The following L3HYPDH variants were observed in gnomAD, a reference collection of about 807,000 sequenced individuals.
L3HYPDH encodes trans-3-hydroxy-L-proline dehydratase.
L3HYPDH carries 32 observed loss-of-function variants against 26.5 expected under a neutral mutation model. The ratio of observed to expected loss-of-function variants is 1.21; its 90% CI spans 0.91 to 1.62. L3HYPDH has a LOEUF of 1.62. L3HYPDH is among the 40% of genes most tolerant of loss of function. The pLI is 0.00. For synonymous variants in L3HYPDH, 215 were observed against 196.6 expected (o/e 1.09, Z -0.78); for missense variants, 554 against 476.4 (o/e 1.16, Z -1.52).
the L3HYPDH span, among the ~76,000 whole-genome samples, chr14:59,493,897 A>G: frequency 6.6e-6 from 1 of 152,182 alleles, no homozygotes; most frequent in Non-Finnish European, 1.5e-5. Context: ...ACAGACAATT[A>G]TATATGAAAC....
At chr14:59,484,717 C>CCCCG, upstream of L3HYPDH, 1 of 1,239,818 alleles carries the variant, frequency 8.1e-7, no homozygotes, top group Non-Finnish European at 1.1e-6. Flanking sequence ...CGCCCCTTGA[C>CCCCG]CCCGCCCGCC....
upstream of L3HYPDH, chr14:59,487,698 A>T: frequency 6.2e-7 from 1 of 1,613,228 alleles, no homozygotes; most frequent in Non-Finnish European, 8.5e-7. Context: ...ACAGAGAACG[A>T]ATGCACAGAA....
chr14:59,479,461 CTATCA>C, intron 1 of L3HYPDH, 110 bp from the exon 2 acceptor site: 1 of 1,018,358 alleles, frequency 9.8e-7, no homozygotes, highest in South Asian at 1.5e-5. Context: ...TGTTCTTTTC[CTATCA>C]TAAAAATAAT....
chr14:59,503,427 T>G, the L3HYPDH span, among the ~76,000 whole-genome samples: 12 of 152,308 alleles, frequency 7.9e-5, no homozygotes, highest in Non-Finnish European at 1.3e-4. Context: ...GCTCCAGGAA[T>G]GTTAGAGGTT....
At chr14:59,489,641 C>T in the L3HYPDH span, among the ~76,000 whole-genome samples, 1 of 152,346 alleles carries the variant, frequency 6.6e-6, no homozygotes, top group Non-Finnish European at 1.5e-5. Flanking sequence ...CCTTCAGTTT[C>T]AGTTTTCTGT....
the L3HYPDH span, among the ~76,000 whole-genome samples, chr14:59,502,755 T>TGTTTTTTTGTTTTTTTTTTTG: frequency 8.1e-6 from 1 of 122,918 alleles, no homozygotes; most frequent in African/African-American, 3.0e-5. Context: ...ATGAGATTTT[T>TGTTTTTTTGTTTTTTTTTTTG]TTTTTTTTTT....
intron 2 of L3HYPDH, among the ~76,000 whole-genome samples, chr14:59,477,810 C>T (rs1236432571): frequency 6.6e-6 from 1 of 152,072 alleles, no homozygotes; most frequent in Non-Finnish European, 1.5e-5. Context: ...GATAATTATT[C>T]GTACATTAGA....
At chr14:59,484,711 C>G, upstream of L3HYPDH, 2 of 1,289,686 alleles carry the variant, frequency 1.6e-6, no homozygotes, top group Non-Finnish European at 2.2e-6. Context: ...CAGGCTCGCC[C>G]CTTGACCCCG....
downstream of L3HYPDH, among the ~76,000 whole-genome samples, chr14:59,468,416 T>G (rs1463320045): frequency 6.6e-6 from 1 of 152,088 alleles, no homozygotes; most frequent in Non-Finnish European, 1.5e-5. Context: ...TCTTAGGGTG[T>G]TTGCACTTGC....
intron 4 of L3HYPDH, among the ~76,000 whole-genome samples, 179 bp from the exon 5 acceptor site, chr14:59,473,269 G>A (rs535862738): frequency 2.0e-5 from 3 of 152,160 alleles, no homozygotes; most frequent in Non-Finnish European, 4.4e-5. Flanking sequence ...AACTGTAGCT[G>A]TAAAGTGGGG....
chr14:59,466,258 C>T, intron 1 of L3HYPDH, among the ~76,000 whole-genome samples: 1 of 152,178 alleles, frequency 6.6e-6, no homozygotes, highest in East Asian at 1.9e-4. Flanking sequence ...GCCAGCCTGG[C>T]AATCACCACA....
At chr14:59,467,787 T>C (rs1477516695), downstream of L3HYPDH, among the ~76,000 whole-genome samples, 1 of 152,242 alleles carries the variant, frequency 6.6e-6, no homozygotes, top group Admixed American at 6.5e-5. Flanking sequence ...TTCAATACTC[T>C]GTATCTCAGA....
chr14:59,469,595 G>C (rs1028058627), downstream of L3HYPDH, among the ~76,000 whole-genome samples: 1 of 138,396 alleles, frequency 7.2e-6, no homozygotes, highest in Non-Finnish European at 1.6e-5. Flanking sequence ...AAAGGTTGGG[G>C]GGTAAAAGAA....
At chr14:59,485,002 C>CAT, upstream of L3HYPDH, 1 of 1,583,468 alleles carries the variant, frequency 6.3e-7, no homozygotes, top group East Asian at 2.2e-5. Context: ...TTATAGCGCC[C>CAT]GTCACAAAGG....
the L3HYPDH span, among the ~76,000 whole-genome samples, chr14:59,499,702 G>A: frequency 2.8e-5 from 4 of 140,560 alleles, no homozygotes; most frequent in Non-Finnish European, 6.6e-5. Context: ...AATGTAATTT[G>A]GTAATATAGT....
chr14:59,495,283 T>C, the L3HYPDH span: 1 of 1,337,750 alleles, frequency 7.5e-7, no homozygotes, highest in South Asian at 1.2e-5. Context: ...AGGATTATTA[T>C]AGATTTTATG....
chr14:59,497,484 A>G, the L3HYPDH span, among the ~76,000 whole-genome samples: 8 of 152,158 alleles, frequency 5.3e-5, no homozygotes, highest in African/African-American at 1.9e-4. Context: ...TCCTGATTAA[A>G]GTGAATCTTT....
upstream of L3HYPDH, chr14:59,485,120 A>C (rs777391531): frequency 6.3e-7 from 1 of 1,598,352 alleles, no homozygotes; most frequent in South Asian, 1.1e-5. Flanking sequence ...TTGCTTAGTA[A>C]GTGATAGGCT....
chr14:59,495,005 T>C, the L3HYPDH span: 1 of 1,604,894 alleles, frequency 6.2e-7, no homozygotes, highest in Non-Finnish European at 8.5e-7. Flanking sequence ...TCATGCCTCT[T>C]TTCCTTCTCT....
Sources: gnomAD v4.1 joint callset for allele counts (sites outside exome capture counted in the v4.1 genomes callset) on GRCh38, gnomAD v4.1.1 for gene constraint, MANE v1.5 for transcripts, NCBI Gene and HGNC (gene_info 2026-07-23, HGNC 2026-07-21) for gene names.